Variants in DNMT3A observed in about 807,000 individuals in gnomAD.
DNMT3A encodes the protein DNA (cytosine-5)-methyltransferase 3A.
In DNMT3A, 267 loss-of-function variants were observed where a neutral mutation model predicts 117.6. That is an observed-to-expected ratio of 2.27 (90% confidence interval 2.05 to 2.51). DNMT3A has a LOEUF of 2.51. Among genes scored for constraint, DNMT3A ranks in the 30% most tolerant of loss-of-function variants. The pLI, the probability that DNMT3A is intolerant of heterozygous loss-of-function variation, is 0.00. For missense variants in DNMT3A, 1,029 were observed against 1,260.2 expected (o/e 0.82, Z 2.78); for synonymous variants, 432 against 474.8 (o/e 0.91, Z 1.17).
chr2:25,244,595 T>TGC lies in DNMT3A; in HGVS notation c.1610_1611dup (p.Thr538AlafsTer114). ...ACCTCACGGCCCCCACAGCAGATGGTGCAGTAGGACTGGTAGCCGTCGTCG... is the reference window on the plus strand; with the variant it reads ...ACCTCACGGCCCCCACAGCAGATGGTGCGCAGTAGGACTGGTAGCCGTCGTCG... On this transcript the variant is annotated frameshift_variant, in exon 14 of 23. Coordinates refer to ENST00000321117, the MANE Select transcript of DNMT3A (RefSeq NM_022552.5). LOFTEE classifies it high-confidence loss of function. 1 of 1,614,170 alleles carries TGC rather than the reference T, an allele frequency of 6.2e-7. No homozygotes were observed. Among genetic ancestry groups the TGC allele is most frequent in the Non-Finnish European group, 8.5e-7 (1 of 1,180,004 alleles).
Position 25,282,069 on chromosome 2 carries a change from C to A in DNMT3A, c.448+372G>T. On this transcript the variant is annotated intron_variant, in intron 4 of 22. Transcript: ENST00000321117. This position sits in a 1 kb window ranked among gnomAD's most constrained non-coding sequence, Gnocchi z 5.2. ...GCTGCAGAAAACTAAGGCCCACAAC[C>A]AGCCACAGAAGGCGATGGAGGGACC... 1.7e-6 allele frequency: 2 copies of A among 1,155,536 alleles called. No individual in the cohort carries two copies. The highest frequency in any genetic ancestry group is 2.2e-6 in the Non-Finnish European group (2 of 926,000). 71.6% of individuals were successfully genotyped at this position (1,155,536 alleles called of 1,614,324 possible). A position where few individuals can be genotyped will look rare whatever the true frequency, so the allele number is the denominator to read the frequency against.
intron 2 of DNMT3A, among the ~76,000 whole-genome samples, chr2:25,309,420 G>A (rs1344231641): frequency 6.6e-6 from 1 of 152,222 alleles, no homozygotes; most frequent in Non-Finnish European, 1.5e-5. Flanking sequence ...ACACGCAGGT[G>A]GTGTGTGCAG....
At chr2:25,330,831 A>G (rs768141680) in intron 1 of DNMT3A, among the ~76,000 whole-genome samples, 5 of 152,194 alleles carry the variant, frequency 3.3e-5, no homozygotes, top group Admixed American at 6.5e-5. Flanking sequence ...CTGACCCCCA[A>G]TAACTCCCAT....
intron 1 of DNMT3A, among the ~76,000 whole-genome samples, chr2:25,333,029 G>A (rs1344086185): frequency 1.3e-5 from 2 of 152,220 alleles, no homozygotes; most frequent in Non-Finnish European, 2.9e-5. Flanking sequence ...TCCCCACATG[G>A]ACAGGGGACT....
Position 25,247,741 on chromosome 2 carries a change from C to A in DNMT3A, c.864G>T (p.Arg288=). 1 of 1,612,562 alleles carries A rather than the reference C, an allele frequency of 6.2e-7. No homozygotes were observed. The change falls in exon 8 of 23, where the codon CGG becomes CGT. Residue 288 remains arginine, a synonymous_variant. Transcript: ENST00000321117. This position sits in a 1 kb window ranked among gnomAD's most constrained non-coding sequence, Gnocchi z 5.6. ...GDDEPEYEDG[R]GFGIGELVWG... Reference sequence around the variant, plus strand: ...ACACCAGCTCCCCAATGCCAAAGCCCCGGCCGTCCTGGAGCCCCAAGGAGC... The same window carrying A: ...ACACCAGCTCCCCAATGCCAAAGCCACGGCCGTCCTGGAGCCCCAAGGAGC...
In DNMT3A at chr2:25,294,368, C is replaced by T. The variant is rs1015862708; in HGVS notation, c.177+5771G>A. Among the ~76,000 whole-genome samples the T allele has an allele frequency of 2.0e-5, 3 of 152,228 alleles. No homozygotes were observed. The highest frequency in any genetic ancestry group is 2.1e-4 in the South Asian group (1 of 4,828). On this transcript the variant is annotated intron_variant, in intron 3 of 22. Transcript: ENST00000321117. This position sits in a 1 kb window ranked among gnomAD's most constrained non-coding sequence, Gnocchi z 4.7. Reference sequence around the variant, plus strand: ...AGGCTCTACCTCACAAGCAGTGTGTCGGCCTGTCTTCCTCATGCCTTCCAA... The same window carrying T: ...AGGCTCTACCTCACAAGCAGTGTGTTGGCCTGTCTTCCTCATGCCTTCCAA...
intron 1 of DNMT3A, among the ~76,000 whole-genome samples, chr2:25,320,042 T>C (rs1370958467): frequency 6.6e-6 from 1 of 152,208 alleles, no homozygotes; most frequent in Non-Finnish European, 1.5e-5. Context: ...AGTCCTGGGA[T>C]TAGAGGCGTG....
rs571087911 is a variant in DNMT3A at position 25,234,864 on chromosome 2, C to T, written c.2598-444G>A. 1.4e-4 allele frequency among the ~76,000 whole-genome samples: 21 copies of T among 152,032 alleles called. No homozygotes were observed. Among genetic ancestry groups the T allele is most frequent in the Non-Finnish European group, 2.8e-4 (19 of 67,994 alleles). On this transcript the variant is annotated intron_variant, in intron 22 of 22. Transcript: ENST00000321117. The surrounding 1 kb of genome is among the most constrained non-coding windows in gnomAD (Gnocchi z 4.5). ...TCCTCCCCATCAAGAGCAGGGAAGGCGAAAAAGGAGCCGAACTCCTGCCTG... is the reference window on the plus strand; with the variant it reads ...TCCTCCCCATCAAGAGCAGGGAAGGTGAAAAAGGAGCCGAACTCCTGCCTG...
At chr2:25,278,285 C>G (rs889491187) in intron 4 of DNMT3A, among the ~76,000 whole-genome samples, 3 of 152,292 alleles carry the variant, frequency 2.0e-5, no homozygotes, top group Admixed American at 6.5e-5. Flanking sequence ...CACTCGCCTT[C>G]GAGTCTGAGC....
chr2:25,248,994 AT>A (rs1306240167), intron 6 of DNMT3A, among the ~76,000 whole-genome samples: 2 of 152,184 alleles, frequency 1.3e-5, no homozygotes, highest in Admixed American at 6.5e-5. Flanking sequence ...ATTATACCGT[AT>A]ATCTCCTAAT....
Position 25,247,120 on chromosome 2 carries a change from G to A in DNMT3A, c.1053C>T (p.Cys351=), listed in dbSNP as rs755152755. 20 of 1,614,112 alleles carry A rather than the reference G, an allele frequency of 1.2e-5. No homozygotes were observed. The highest frequency in any genetic ancestry group is 1.5e-5 in the Non-Finnish European group (18 of 1,179,972). ...TGTACGTGGCCTGGTGGAACGCACTGCAAAACGAGCTCAGCGGCATCAGCT... is the reference window on the plus strand; with the variant it reads ...TGTACGTGGCCTGGTGGAACGCACTACAAAACGAGCTCAGCGGCATCAGCT... The part of the protein sequence containing the change: ...VEKLMPLSSF[C]SAFHQATYNK... Residue 351 remains cysteine, a synonymous_variant, in exon 9 of 23, where the codon TGC becomes TGT. Coordinates refer to ENST00000321117, the MANE Select transcript of DNMT3A (RefSeq NM_022552.5). This position sits in a 1 kb window ranked among gnomAD's most constrained non-coding sequence, Gnocchi z 5.6.
chr2:25,305,642 T>A lies in DNMT3A; in HGVS notation c.73-5399A>T, dbSNP rs980823023. On this transcript the variant is annotated intron_variant, in intron 2 of 22. Coordinates refer to ENST00000321117, the MANE Select transcript of DNMT3A (RefSeq NM_022552.5). The surrounding 1 kb of genome is among the most constrained non-coding windows in gnomAD (Gnocchi z 4.1). The stretch of plus-strand genomic sequence containing the variant: ...GAGGCCTTTAGAACCAAAATTTACA[T>A]CTTTTGTTTACCAGTCCATCGGTCT... 5.3e-5 allele frequency among the ~76,000 whole-genome samples: 8 copies of A among 152,280 alleles called. No individual in the cohort carries two copies. In the East Asian group the frequency reaches 1.5e-3, roughly 29 times the overall value.
Position 25,240,736 on chromosome 2 carries a change from AG to A in DNMT3A, c.2083-7del, listed in dbSNP as rs1357733044. ...AATGGGCCCCACTCCTGGATCTGGG[AG>A]GATAAAGGCAACGTGATGGGCCTGC... On this transcript the variant is annotated splice_polypyrimidine_tract_variant and splice_region_variant and intron_variant, in intron 17 of 22. Transcript: ENST00000321117. 6.2e-7 allele frequency: 1 copy of A among 1,614,038 alleles called. No individual in the cohort carries two copies.
Position 25,337,428 on chromosome 2 carries a change from T to G in DNMT3A, c.-178+4398A>C, listed in dbSNP as rs950135819. On this transcript the variant is annotated intron_variant, in intron 1 of 22. Transcript: ENST00000321117. This position sits in a 1 kb window ranked among gnomAD's most constrained non-coding sequence, Gnocchi z 5.0. ...AAGGCTGTAACGCACATGATCTCAC[T>G]CCATCCTCACAACCACCTGTAAGCA... Among the ~76,000 whole-genome samples, 6 of 152,124 alleles carry G rather than the reference T, an allele frequency of 3.9e-5. No individual in the cohort carries two copies. The highest frequency in any genetic ancestry group is 6.5e-5 in the Admixed American group (1 of 15,268).
intron 22 of DNMT3A, among the ~76,000 whole-genome samples, chr2:25,235,053 C>T (rs570676744): frequency 3.7e-4 from 56 of 152,284 alleles, no homozygotes; most frequent in African/African-American, 1.3e-3. Context: ...CTGCCTGGCC[C>T]TATGCTGGCT....
intron 3 of DNMT3A, among the ~76,000 whole-genome samples, chr2:25,290,573 C>T (rs1291706816): frequency 6.6e-6 from 1 of 152,178 alleles, no homozygotes; most frequent in Non-Finnish European, 1.5e-5. Context: ...CCACCCACCT[C>T]GGCCTCCCAA....
In DNMT3A at chr2:25,246,649, G is replaced by GT; in HGVS notation, c.1249_1250insA (p.Ser417TyrfsTer4). 1 of 1,613,348 alleles carries GT rather than the reference G, an allele frequency of 6.2e-7. No homozygotes were observed. The highest frequency in any genetic ancestry group is 8.5e-7 in the Non-Finnish European group (1 of 1,179,908). On this transcript the variant is annotated frameshift_variant, in exon 10 of 23. Transcript: ENST00000321117. LOFTEE classifies it high-confidence loss of function. ...TGGTGGCTCCAGGCCCTTAGGGCCA[G>GT]AAGGCTGGAAGCCCCCCAGGGCCCA...
In DNMT3A at chr2:25,311,981, C is replaced by T. The variant is rs889398930; in HGVS notation, c.72+1932G>A. ...CCGCAGCCCAGAGCAGCAGCAGCGG[C>T]GTGGGAGTACAGTCCAGTAACAGGA... On this transcript the variant is annotated intron_variant, in intron 2 of 22. Coordinates refer to ENST00000321117, the MANE Select transcript of DNMT3A (RefSeq NM_022552.5). This position sits in a 1 kb window ranked among gnomAD's most constrained non-coding sequence, Gnocchi z 5.2. Among the ~76,000 whole-genome samples, 4 of 152,252 alleles carry T rather than the reference C, an allele frequency of 2.6e-5. No homozygotes were observed. The highest frequency in any genetic ancestry group is 1.9e-4 in the East Asian group (1 of 5,164).
rs1050267642 is a variant in DNMT3A, at chr2:25,289,854, C to T, written c.178-7143G>A. ...GCCCTGCCGCCGCCTCCTCTTCCCC[C>T]TTTGCCCAAAGTCTGGGCCAGACCC... On this transcript the variant is annotated intron_variant, in intron 3 of 22. Coordinates refer to ENST00000321117, the MANE Select transcript of DNMT3A (RefSeq NM_022552.5). Among the ~76,000 whole-genome samples, 3 of 152,266 alleles carry T rather than the reference C, an allele frequency of 2.0e-5. No homozygotes were observed. The East Asian group carries it at 5.8e-4, about 29-fold the overall frequency.
Sources: allele counts gnomAD v4.1 joint callset (sites outside exome capture counted in the v4.1 genomes callset), GRCh38; gene constraint gnomAD v4.1.1; non-coding constraint Gnocchi (gnomAD v3.1); transcripts MANE v1.5; gene names NCBI Gene and HGNC (gene_info 2026-07-23, HGNC 2026-07-21).